Variants in DCP1A observed in about 807,000 individuals in gnomAD.
DCP1A encodes the protein mRNA-decapping enzyme 1A.
Under a neutral mutation model 58.0 loss-of-function variants are expected in DCP1A, and 20 were observed. That is an observed-to-expected ratio of 0.34 (90% CI 0.24 to 0.50). The LOEUF is 0.50. DCP1A is among the 20% of genes least tolerant of loss of function. DCP1A has a pLI of 0.98. For missense variants in DCP1A, 613 were observed against 712.2 expected (o/e 0.86, Z 1.59); for synonymous variants, 285 against 275.1 (o/e 1.04, Z -0.36).
chr3:53,331,865 G>C (rs1052653088), intron 3 of DCP1A, among the ~76,000 whole-genome samples: 6 of 152,220 alleles, frequency 3.9e-5, no homozygotes, highest in Non-Finnish European at 4.4e-5. Flanking sequence ...CACTGGTCTT[G>C]AGGAAAAACA....
Position 53,347,525 on chromosome 3 carries a change from C to T in DCP1A, c.-8G>A. The T allele has an allele frequency of 1.2e-6, 2 of 1,608,262 alleles. No homozygotes were observed. Among genetic ancestry groups the T allele is most frequent in the Non-Finnish European group, 1.7e-6 (2 of 1,177,192 alleles). The stretch of plus-strand genomic sequence containing the variant: ...TCGACTCAGCGCCTCCATCTTGAAT[C>T]CCAGAGCCTAGCCCCTCTGGTGGGG... On this transcript the variant is annotated 5_prime_UTR_variant, in exon 1 of 10. Coordinates refer to ENST00000610213, the MANE Select transcript of DCP1A (RefSeq NM_018403.7).
chr3:53,287,401 C>A lies in DCP1A; in HGVS notation c.*179G>T. The A allele has an allele frequency of 6.2e-6, 1 of 161,886 alleles. No individual in the cohort carries two copies. Among genetic ancestry groups the A allele is most frequent in the East Asian group, 1.7e-4 (1 of 5,718 alleles). The allele number at this position is 161,886 out of a possible 1,614,324, so 10.0% of individuals were successfully genotyped here. ...ACAAGGATCTGCTGGTGATGCTTCACAGTGAAACCTCCATTATCACTGAGA... is the reference window on the plus strand; with the variant it reads ...ACAAGGATCTGCTGGTGATGCTTCAAAGTGAAACCTCCATTATCACTGAGA... On this transcript the variant is annotated 3_prime_UTR_variant, in exon 10 of 10. Coordinates refer to ENST00000610213, the MANE Select transcript of DCP1A (RefSeq NM_018403.7).
intron 3 of DCP1A, among the ~76,000 whole-genome samples, chr3:53,339,148 G>A (rs1559707460): frequency 1.3e-5 from 2 of 152,048 alleles, no homozygotes; most frequent in Non-Finnish European, 1.5e-5. Flanking sequence ...TTAATAGCTC[G>A]CTGACCTGAC....
At chr3:53,345,067 C>A in intron 1 of DCP1A, 125 bp from the exon 2 acceptor site, 1 of 718,928 alleles carries the variant, frequency 1.4e-6, no homozygotes, top group Non-Finnish European at 2.3e-6. Flanking sequence ...TAAAATTAAC[C>A]ACTTTTGAAC....
intron 4 of DCP1A, among the ~76,000 whole-genome samples, chr3:53,316,721 A>C (rs1707826093): frequency 6.6e-6 from 1 of 151,288 alleles, no homozygotes; most frequent in Admixed American, 6.6e-5. Context: ...CTGGGACTAC[A>C]GGCATGAGCC....
chr3:53,339,746 T>C (rs1180461167), intron 3 of DCP1A, among the ~76,000 whole-genome samples: 2 of 152,148 alleles, frequency 1.3e-5, no homozygotes, highest in Admixed American at 1.3e-4. Context: ...ATACAATTCA[T>C]CTCAGGTTTA....
At chr3:53,301,492 CG>C (rs1431987656) in intron 6 of DCP1A, among the ~76,000 whole-genome samples, 2 of 152,004 alleles carry the variant, frequency 1.3e-5, no homozygotes, top group South Asian at 2.1e-4. Flanking sequence ...AGGCTAGTCT[CG>C]AACTCCTGAC....
chr3:53,319,132 T>C (rs1707891266), intron 4 of DCP1A, among the ~76,000 whole-genome samples: 3 of 152,164 alleles, frequency 2.0e-5, no homozygotes, highest in Admixed American at 2.0e-4. Context: ...ATACATACAG[T>C]AGGATCCTAT....
intron 5 of DCP1A, among the ~76,000 whole-genome samples, chr3:53,305,931 T>C (rs1048436466): frequency 6.6e-6 from 1 of 152,148 alleles, no homozygotes; most frequent in Non-Finnish European, 1.5e-5. Flanking sequence ...GACCAATAGA[T>C]GGACATGGAA....
At chr3:53,328,469 T>C (rs1198491880) in intron 3 of DCP1A, among the ~76,000 whole-genome samples, 1 of 152,036 alleles carries the variant, frequency 6.6e-6, no homozygotes, top group Non-Finnish European at 1.5e-5. Flanking sequence ...AAAAGATAAA[T>C]GATACAGGCA....
chr3:53,305,501 C>T (rs1386875739), intron 5 of DCP1A, among the ~76,000 whole-genome samples: 1 of 152,024 alleles, frequency 6.6e-6, no homozygotes, highest in Non-Finnish European at 1.5e-5. Flanking sequence ...AGGCGCGCGC[C>T]ACCACACCCA....
At chr3:53,293,922 C>T (rs1267192909) in intron 6 of DCP1A, among the ~76,000 whole-genome samples, 5 of 152,122 alleles carry the variant, frequency 3.3e-5, no homozygotes, top group South Asian at 2.1e-4. Flanking sequence ...AGGGCCCCCC[C>T]ACCGGACCCC....
chr3:53,336,845 GATTTATTTATTTATTT>G (rs56054437), intron 3 of DCP1A, among the ~76,000 whole-genome samples: 50 of 144,296 alleles, frequency 3.5e-4, no homozygotes, highest in South Asian at 2.3e-3. Flanking sequence ...CCAAAGCCCA[GATTTATTTATTTATTT>G]ATTTATTTAT....
At chr3:53,325,397 G>A (rs1252979970) in intron 3 of DCP1A, among the ~76,000 whole-genome samples, 4 of 152,116 alleles carry the variant, frequency 2.6e-5, no homozygotes, top group Admixed American at 2.0e-4. Context: ...TCTCAGTATG[G>A]TGCCAAGCAA....
chr3:53,285,062 C>G lies in DCP1A; in HGVS notation c.*2518G>C, dbSNP rs1553684955. On this transcript the variant is annotated 3_prime_UTR_variant, in exon 10 of 10. Coordinates refer to ENST00000610213, the MANE Select transcript of DCP1A (RefSeq NM_018403.7). ...CACCACCCACCAGTGGTGCCCCAGA[C>G]ACACCTCTCCTCCAAGCTCTGGGCT... 1.3e-5 allele frequency: 2 copies of G among 152,276 alleles called. No homozygotes were observed. The highest frequency in any genetic ancestry group is 1.3e-4 in the Admixed American group (2 of 15,288). The allele number at this position is 152,276 out of a possible 1,614,324, so 9.4% of individuals were successfully genotyped here.
chr3:53,295,229 C>G (rs1314249196), intron 6 of DCP1A, among the ~76,000 whole-genome samples: 8 of 152,000 alleles, frequency 5.3e-5, no homozygotes, highest in Admixed American at 2.6e-4. Context: ...CAGGGCAGGT[C>G]TGAAAAAATG....
chr3:53,314,663 T>C (rs1045694928), intron 4 of DCP1A, among the ~76,000 whole-genome samples: 2 of 130,750 alleles, frequency 1.5e-5, no homozygotes, highest in Non-Finnish European at 3.2e-5. Flanking sequence ...TTTCTTTTCT[T>C]TTTCTTTTTT....
At chr3:53,345,383 C>T (rs2089279694) in intron 1 of DCP1A, among the ~76,000 whole-genome samples, 1 of 152,130 alleles carries the variant, frequency 6.6e-6, no homozygotes, top group African/African-American at 2.4e-5. Context: ...TTTGTTTCAT[C>T]ACTAGGGAGT....
At chr3:53,294,837 ACAAC>A (rs1707062795) in intron 6 of DCP1A, among the ~76,000 whole-genome samples, 1 of 152,224 alleles carries the variant, frequency 6.6e-6, no homozygotes. Context: ...AGCACTCCTA[ACAAC>A]ATGGAAAGCG....
Sources: allele counts gnomAD v4.1 joint callset (sites outside exome capture counted in the v4.1 genomes callset), GRCh38; gene constraint gnomAD v4.1.1; transcripts MANE v1.5; gene names NCBI Gene and HGNC (gene_info 2026-07-23, HGNC 2026-07-21).